Variants in TTC39A observed in about 807,000 individuals in gnomAD.
TTC39A encodes the protein tetratricopeptide repeat protein 39A.
In TTC39A, 46 loss-of-function variants were observed where a neutral mutation model predicts 82.3. That is an observed-to-expected ratio of 0.56 (90% CI 0.44 to 0.71). The LOEUF is 0.71. Among genes scored for constraint, TTC39A ranks in the 30% least tolerant of loss-of-function variants. TTC39A has a pLI of 0.00. For missense variants in TTC39A, 543 were observed against 712.9 expected, an observed-to-expected ratio of 0.76 and a Z score of 2.71; for synonymous variants, 254 against 275.2, an observed-to-expected ratio of 0.92 and a Z score of 0.76.
At chr1:51,293,938 G>A (rs1644315167) in intron 14 of TTC39A, among the ~76,000 whole-genome samples, 2 of 152,236 alleles carry the variant, frequency 1.3e-5, no homozygotes, top group African/African-American at 4.8e-5. Flanking sequence ...AATAGGCAAT[G>A]GGTGTGGGCA....
chr1:51,294,630 A>G lies in TTC39A; in HGVS notation c.1146-119T>C. Reference sequence around the variant, plus strand: ...GGGCCTCAGTTTCCCCATCTGCACAATGACAGTGTTAGACTCTAAAGAGCC... The same window carrying G: ...GGGCCTCAGTTTCCCCATCTGCACAGTGACAGTGTTAGACTCTAAAGAGCC... On this transcript the variant is annotated intron_variant, in intron 13 of 17. Transcript: ENST00000680483. This position sits in a 1 kb window ranked among gnomAD's most constrained non-coding sequence, Gnocchi z 4.3. 1 of 1,447,558 alleles carries G rather than the reference A, an allele frequency of 6.9e-7. No homozygotes were observed. 89.7% of individuals were successfully genotyped at this position (1,447,558 alleles called of 1,614,324 possible).
At chr1:51,341,455 T>C (rs1241349995) in intron 1 of TTC39A, among the ~76,000 whole-genome samples, 2 of 152,172 alleles carry the variant, frequency 1.3e-5, no homozygotes, top group African/African-American at 4.8e-5. Flanking sequence ...TGTGGTGTGC[T>C]GGCAGAACTG....
At chr1:51,290,180 G>A (rs1557693732) in intron 15 of TTC39A, 61 bp from the exon 16 acceptor site, 3 of 1,492,704 alleles carry the variant, frequency 2.0e-6, no homozygotes, top group South Asian at 1.2e-5. Flanking sequence ...AGTTACTTAT[G>A]GAGCCCCCTA....
At chr1:51,298,246 G>A (rs994909531) in intron 12 of TTC39A, 3 of 152,204 alleles carry the variant, frequency 2.0e-5, no homozygotes, top group African/African-American at 7.2e-5. Context: ...CAGCCAGCGG[G>A]GTGGCCCAGC....
chr1:51,313,841 A>T (rs1478377867), intron 2 of TTC39A, among the ~76,000 whole-genome samples: 1 of 152,188 alleles, frequency 6.6e-6, no homozygotes, highest in East Asian at 1.9e-4. Context: ...TCTAAAAAGT[A>T]ATAATAATTT....
Position 51,288,404 on chromosome 1 carries a change from G to A in TTC39A, c.1611-124C>T. 6.7e-7 allele frequency: 1 copy of A among 1,488,490 alleles called. No homozygotes were observed. The highest frequency in any genetic ancestry group is 9.1e-7 in the Non-Finnish European group (1 of 1,101,802). 92.2% of individuals were successfully genotyped at this position (1,488,490 alleles called of 1,614,324 possible). On this transcript the variant is annotated intron_variant, in intron 17 of 17. Coordinates refer to ENST00000680483, the MANE Select transcript of TTC39A (RefSeq NM_001297663.2). This position sits in a 1 kb window ranked among gnomAD's most constrained non-coding sequence, Gnocchi z 4.8. ...TTGTAGAGAAATTAATGTGTCCAGA[G>A]AGAGTTGAGCCCTACCCAATGGGAG...
intron 16 of TTC39A, 135 bp from the exon 17 acceptor site, chr1:51,289,090 A>T: frequency 1.4e-6 from 1 of 723,392 alleles, no homozygotes; most frequent in Non-Finnish European, 2.3e-6. Context: ...ATCCATAGCA[A>T]AGCCTTCCCA....
At chr1:51,309,472 T>G (rs751180083) in intron 5 of TTC39A, 147 bp from the exon 6 acceptor site, 54 of 1,484,220 alleles carry the variant, frequency 3.6e-5, no homozygotes, top group Non-Finnish European at 4.8e-5. Context: ...CAGGCCTCCC[T>G]GCTCTTTGGC....
upstream of TTC39A, among the ~76,000 whole-genome samples, chr1:51,335,677 C>T (rs950275550): frequency 6.6e-6 from 1 of 151,980 alleles, no homozygotes; most frequent in East Asian, 1.9e-4. Flanking sequence ...AAAATAGAGG[C>T]TTGGACCAAC....
intron 5 of TTC39A, 138 bp downstream of exon 5, chr1:51,311,116 G>T: frequency 1.3e-6 from 1 of 794,360 alleles, no homozygotes; most frequent in Non-Finnish European, 1.9e-6. Flanking sequence ...TGTGAAGGAT[G>T]GGACACGATT....
Position 51,289,993 on chromosome 1 carries a change from A to T in TTC39A, c.1493+12T>A. 1 of 1,608,440 alleles carries T rather than the reference A, an allele frequency of 6.2e-7. No homozygotes were observed. ...ACTCAGACCCAGAAGGAGCAGCTGC[A>T]GAGGCACTTACTTGGCAGAGATGCT... is the stretch of plus-strand genomic sequence containing the variant. On this transcript the variant is annotated intron_variant, in intron 16 of 17. Transcript: ENST00000680483.
intron 1 of TTC39A, among the ~76,000 whole-genome samples, chr1:51,338,598 CTTTTTTTT>C (rs982499820): frequency 8.9e-6 from 1 of 111,834 alleles, no homozygotes; most frequent in African/African-American, 3.5e-5. Context: ...GGAGATTTAT[CTTTTTTTT>C]TTTTTTTTTT....
chr1:51,294,362 G>T lies in TTC39A; in HGVS notation c.1266+29C>A. On this transcript the variant is annotated intron_variant, in intron 14 of 17. Transcript: ENST00000680483. The surrounding 1 kb of genome is among the most constrained non-coding windows in gnomAD (Gnocchi z 4.3). ...AATCCCCACAATCCTATACCCGGAG[G>T]GCAGCGCCAGTCCAGACCTCCTACC... 3 of 1,613,728 alleles carry T rather than the reference G, an allele frequency of 1.9e-6. No homozygotes were observed. Among genetic ancestry groups the T allele is most frequent in the Non-Finnish European group, 2.5e-6 (3 of 1,179,804 alleles).
chr1:51,297,970 C>G (rs1259544032), intron 12 of TTC39A: 2 of 153,454 alleles, frequency 1.3e-5, no homozygotes, highest in African/African-American at 4.8e-5. Flanking sequence ...CCAGCTCCCT[C>G]TGCCCTAACG....
intron 1 of TTC39A, chr1:51,344,851 C>T (rs1379120745): frequency 6.3e-5 from 70 of 1,111,528 alleles, no homozygotes; most frequent in Non-Finnish European, 8.1e-5. Context: ...CTCGGGCCTC[C>T]GGCCGACCCC....
At chr1:51,307,147 C>T (rs1190723247) in intron 6 of TTC39A, among the ~76,000 whole-genome samples, 1 of 152,146 alleles carries the variant, frequency 6.6e-6, no homozygotes, top group Non-Finnish European at 1.5e-5. Context: ...CCAGGGTGAC[C>T]TCCCAGGAAG....
At chr1:51,316,163 C>T (rs1645274871) in intron 2 of TTC39A, among the ~76,000 whole-genome samples, 1 of 152,094 alleles carries the variant, frequency 6.6e-6, no homozygotes, top group Non-Finnish European at 1.5e-5. Flanking sequence ...GTAATGGAGC[C>T]CCAGCACCCA....
intron 1 of TTC39A, 187 bp from the exon 2 acceptor site, chr1:51,322,012 C>G (rs930811011): frequency 1.4e-6 from 2 of 1,456,096 alleles, no homozygotes; most frequent in African/African-American, 1.4e-5. Flanking sequence ...TTGGTGTTCC[C>G]AAGGGTGGGA....
rs766100425 is a variant in TTC39A, at chr1:51,312,207, A to G, written c.279-12T>C. On this transcript the variant is annotated splice_polypyrimidine_tract_variant and intron_variant, in intron 3 of 17. Coordinates refer to ENST00000680483, the MANE Select transcript of TTC39A (RefSeq NM_001297663.2). Reference sequence around the variant, plus strand: ...ACTTCCTCCGGTGCCTGAAGAGGAAAAAGAGGGGCCTCAGGTGAGGATTAG... The same window carrying G: ...ACTTCCTCCGGTGCCTGAAGAGGAAGAAGAGGGGCCTCAGGTGAGGATTAG... 8.1e-6 allele frequency: 13 copies of G among 1,599,010 alleles called. No individual in the cohort carries two copies. In the East Asian group the frequency reaches 2.9e-4, roughly 36 times the overall value.
Sources: gnomAD v4.1 joint callset for allele counts (sites outside exome capture counted in the v4.1 genomes callset) on GRCh38, gnomAD v4.1.1 for gene constraint, Gnocchi (gnomAD v3.1) non-coding constraint, MANE v1.5 for transcripts, NCBI Gene and HGNC (gene_info 2026-07-23, HGNC 2026-07-21) for gene names.